The following PYROXD2 variants were observed in gnomAD, a reference collection of about 807,000 sequenced individuals.
PYROXD2 encodes the protein pyridine nucleotide-disulphide oxidoreductase domain 2.
In PYROXD2, 69 loss-of-function variants were observed where a neutral mutation model predicts 71.1. The observed-to-expected ratio is 0.97, with a 90% CI of 0.80 to 1.19. The LOEUF (loss-of-function observed/expected upper bound fraction) is 1.19, where lower values mean the gene tolerates loss of function less well. Among genes scored for constraint, PYROXD2 ranks in the 50% most tolerant of loss-of-function variants. The pLI, the probability that PYROXD2 is intolerant of heterozygous loss-of-function variation, is 0.00. For missense variants in PYROXD2, 745 were observed against 748.9 expected (o/e 0.99, Z 0.06); for synonymous variants, 287 against 302.7 (o/e 0.95, Z 0.54).
At chr10:98,393,207 A>G in intron 8 of PYROXD2, 124 bp from the exon 9 acceptor site, 1 of 748,304 alleles carries the variant, frequency 1.3e-6, no homozygotes, top group Non-Finnish European at 2.1e-6. Flanking sequence ...GCCCTCTCCC[A>G]GCAGCCTTCA....
chr10:98,410,067 A>C (rs1320684343), intron 2 of PYROXD2, among the ~76,000 whole-genome samples: 2 of 149,926 alleles, frequency 1.3e-5, no homozygotes, highest in Non-Finnish European at 2.9e-5. Flanking sequence ...GACAAGAGCA[A>C]AACTCCGTCT....
Position 98,390,763 on chromosome 10 carries a change from C to A in PYROXD2, c.1136-9G>T. The stretch of plus-strand genomic sequence containing the variant: ...CAGCCTGTCTACGGCCACTGAGGGA[C>A]CAAAGAGGAGGGTCAGGTCTTAGCC... On this transcript the variant is annotated splice_polypyrimidine_tract_variant and intron_variant, in intron 11 of 15. Transcript: ENST00000370575. 1 of 1,576,216 alleles carries A rather than the reference C, an allele frequency of 6.3e-7. No individual in the cohort carries two copies. The highest frequency in any genetic ancestry group is 8.6e-7 in the Non-Finnish European group (1 of 1,160,500).
intron 10 of PYROXD2, 141 bp from the exon 11 acceptor site, chr10:98,391,223 C>A (rs963763931): frequency 6.2e-6 from 4 of 648,462 alleles, no homozygotes; most frequent in Non-Finnish European, 1.1e-5. Flanking sequence ...AAACCACCTC[C>A]CCTGTGAAGC....
At chr10:98,408,101 G>A (rs1843671738) in intron 2 of PYROXD2, 104 bp from the exon 3 acceptor site, 2 of 1,065,348 alleles carry the variant, frequency 1.9e-6, no homozygotes, top group East Asian at 2.6e-5. Context: ...AGGCCAGTAT[G>A]GGCCACACCC....
chr10:98,414,882 C>G lies in PYROXD2; in HGVS notation c.127+127G>C, dbSNP rs1029680135. On this transcript the variant is annotated intron_variant, in intron 1 of 15. Coordinates refer to ENST00000370575, the MANE Select transcript of PYROXD2 (RefSeq NM_032709.3). ...ATTGCAGCCCCTGCTAGCGTATAAA[C>G]TTCTGGCTGGGTTATGCCAGAGGAG... The G allele has an allele frequency of 2.9e-6, 4 of 1,397,980 alleles. No homozygotes were observed. In the African/African-American group the frequency reaches 5.8e-5, roughly 20 times the overall value. The allele number at this position is 1,397,980 out of a possible 1,614,324, so 86.6% of individuals were successfully genotyped here. A position where few individuals can be genotyped will look rare whatever the true frequency, so the allele number is the denominator to read the frequency against.
chr10:98,392,864 G>A (rs1842992978), intron 9 of PYROXD2, 78 bp downstream of exon 9: 1 of 1,498,452 alleles, frequency 6.7e-7, no homozygotes, highest in South Asian at 1.2e-5. Flanking sequence ...GGTAAAACAA[G>A]GGACCTTCCA....
At chr10:98,401,415 C>A (rs147912925) in intron 4 of PYROXD2, among the ~76,000 whole-genome samples, 4 of 152,236 alleles carry the variant, frequency 2.6e-5, no homozygotes, top group Non-Finnish European at 5.9e-5. Context: ...GAAGGCCCAG[C>A]ACATTGCTGT....
intron 10 of PYROXD2, among the ~76,000 whole-genome samples, chr10:98,392,087 T>C (rs7082192): frequency 0.45 from 68,029 of 152,038 alleles, 16,146 homozygotes; most frequent in African/African-American, 0.6. Flanking sequence ...ATGGATAATA[T>C]AACAGATCAT....
intron 2 of PYROXD2, 171 bp downstream of exon 2, chr10:98,410,768 G>A (rs767395272): frequency 6.5e-6 from 6 of 927,284 alleles, no homozygotes; most frequent in Non-Finnish European, 8.1e-6. Context: ...CTGCAGATGA[G>A]CATTCGACCC....
At chr10:98,397,259 T>G (rs1590953949) in intron 6 of PYROXD2, 86 bp downstream of exon 6, 1 of 1,463,478 alleles carries the variant, frequency 6.8e-7, no homozygotes, top group Non-Finnish European at 9.1e-7. Context: ...GCCATGGAGG[T>G]TCAGGCTTGT....
At chr10:98,394,601 C>G (rs1024234861) in intron 8 of PYROXD2, among the ~76,000 whole-genome samples, 1 of 151,076 alleles carries the variant, frequency 6.6e-6, no homozygotes, top group Non-Finnish European at 1.5e-5. Flanking sequence ...CCTGCTTCTG[C>G]GGGGGCTCAT....
At chr10:98,406,108 C>T (rs771758009) in intron 4 of PYROXD2, among the ~76,000 whole-genome samples, 5 of 152,182 alleles carry the variant, frequency 3.3e-5, no homozygotes, top group Admixed American at 6.5e-5. Flanking sequence ...GTGAGTCCTG[C>T]GTATCACACA....
chr10:98,409,692 C>T (rs186345625), intron 2 of PYROXD2, among the ~76,000 whole-genome samples: 62 of 152,322 alleles, frequency 4.1e-4, no homozygotes, highest in African/African-American at 1.4e-3. Context: ...GGGCAGGTGC[C>T]ATTGTTCCAT....
intron 12 of PYROXD2, among the ~76,000 whole-genome samples, chr10:98,389,626 G>A (rs962209248): frequency 6.6e-6 from 1 of 152,102 alleles, no homozygotes; most frequent in African/African-American, 2.4e-5. Flanking sequence ...CTTTGCACCT[G>A]ACCTTCCCTC....
chr10:98,388,553 C>T (rs1440791576), intron 12 of PYROXD2, 45 bp from the exon 13 acceptor site: 8 of 1,479,960 alleles, frequency 5.4e-6, no homozygotes, highest in African/African-American at 1.5e-5. Flanking sequence ...AGCAGCAGTG[C>T]GGAGGGTAGG....
At position 98,383,802 on chromosome 10, in the gene PYROXD2, A is replaced by T. The variant is rs1430398405; in HGVS notation, c.1742T>A (p.Met581Lys). Residue 581 changes from methionine (M) to lysine (K), a missense_variant, in exon 16 of 16, where the codon ATG becomes AAG. Physicochemically the swap from Met to Lys is moderately conservative, Grantham distance 95 (BLOSUM62 -1). Coordinates refer to ENST00000370575, the MANE Select transcript of PYROXD2 (RefSeq NM_032709.3). ...TGGGTCAGAGCTGGTTCAGGGTCAC[A>T]TGCTCTTGAGGTCCCTAAAGGCCAC... The part of the protein sequence containing the change: ...AHVAFRDLKS[M>K] 1 of 1,613,672 alleles carries T rather than the reference A, an allele frequency of 6.2e-7. No homozygotes were observed. Among genetic ancestry groups the T allele is most frequent in the Non-Finnish European group, 8.5e-7 (1 of 1,179,786 alleles).
At chr10:98,395,326 G>C in intron 7 of PYROXD2, 33 bp from the exon 8 acceptor site, 1 of 1,613,910 alleles carries the variant, frequency 6.2e-7, no homozygotes, top group Non-Finnish European at 8.5e-7. Context: ...GAAGGGCTTA[G>C]GAGCCTGGAT....
chr10:98,411,682 T>G (rs939627898), intron 1 of PYROXD2: 1 of 152,180 alleles, frequency 6.6e-6, no homozygotes, highest in Non-Finnish European at 1.5e-5. Flanking sequence ...AGCAAGTGCC[T>G]CTCCAGCTCT....
chr10:98,403,458 T>G (rs1843490751), intron 4 of PYROXD2, among the ~76,000 whole-genome samples: 2 of 152,216 alleles, frequency 1.3e-5, no homozygotes, highest in African/African-American at 2.4e-5. Context: ...AGCAGTGAAC[T>G]TCCTGATCAC....
Sources: allele counts gnomAD v4.1 joint callset (sites outside exome capture counted in the v4.1 genomes callset), GRCh38; gene constraint gnomAD v4.1.1; transcripts MANE v1.5; gene names NCBI Gene and HGNC (gene_info 2026-07-23, HGNC 2026-07-21).